The following SMC5 variants were observed in gnomAD, a reference collection of about 807,000 sequenced individuals.
SMC5 encodes structural maintenance of chromosomes protein 5.
A neutral mutation model predicts 148.3 loss-of-function variants in SMC5; 88 were observed. The observed-to-expected ratio is 0.59, with a 90% CI of 0.50 to 0.71. The LOEUF is 0.71. SMC5 is among the 30% of genes least tolerant of loss of function. SMC5 has a pLI of 0.00. For missense variants in SMC5, 1,142 were observed against 1,298.9 expected, an observed-to-expected ratio of 0.88 and a Z score of 1.86; for synonymous variants, 421 against 432.8, an observed-to-expected ratio of 0.97 and a Z score of 0.34.
intron 17 of SMC5, among the ~76,000 whole-genome samples, chr9:70,334,262 C>T (rs1169298213): frequency 4.0e-5 from 6 of 151,530 alleles, no homozygotes; most frequent in Non-Finnish European, 5.9e-5. Context: ...GTATCATATA[C>T]AAATGAGTCA....
intron 3 of SMC5, among the ~76,000 whole-genome samples, chr9:70,273,386 A>G (rs753417916): frequency 9.2e-5 from 14 of 151,924 alleles, no homozygotes; most frequent in Non-Finnish European, 2.1e-4. Context: ...AGTTTACTAT[A>G]TATATTATTT....
intron 17 of SMC5, among the ~76,000 whole-genome samples, chr9:70,336,394 G>T (rs1413564454): frequency 3.3e-5 from 5 of 152,178 alleles, no homozygotes; most frequent in African/African-American, 9.6e-5. Flanking sequence ...GGTTTGATAT[G>T]CTAGGGCTGG....
intron 6 of SMC5, 111 bp from the exon 7 acceptor site, chr9:70,282,311 G>C: frequency 8.8e-7 from 1 of 1,132,306 alleles, no homozygotes; most frequent in Non-Finnish European, 1.2e-6. Flanking sequence ...AACCTGTTTT[G>C]ATATCAAAAC....
chr9:70,336,485 G>A (rs896761454), intron 17 of SMC5, among the ~76,000 whole-genome samples: 3 of 152,166 alleles, frequency 2.0e-5, no homozygotes, highest in African/African-American at 7.2e-5. Flanking sequence ...AGGAAAGGAT[G>A]GCAGAATGAA....
Position 70,347,951 on chromosome 9 carries a change from G to A in SMC5, c.2802G>A (p.Glu934=), listed in dbSNP as rs2036709460. Residue 934 remains glutamate (E), a synonymous_variant, in exon 22 of 25, where the codon GAG becomes GAA. Transcript: ENST00000361138. ...VKERWLNPLK[E]LVEKINEKFS... The stretch of plus-strand genomic sequence containing the variant: ...AAAGGTGGCTTAATCCTTTAAAAGA[G>A]CTGGTAGAAAAAATTAATGAAAAAT... The A allele has an allele frequency of 1.2e-6, 2 of 1,603,604 alleles. No homozygotes were observed. The highest frequency in any genetic ancestry group is 1.7e-6 in the Non-Finnish European group (2 of 1,174,908).
intron 7 of SMC5, among the ~76,000 whole-genome samples, chr9:70,283,109 G>A (rs80234084): frequency 0.04 from 6,028 of 152,192 alleles, 140 homozygotes; most frequent in Non-Finnish European, 0.054. Context: ...ATCCAAAATC[G>A]TGCATGAGAT....
At position 70,278,570 on chromosome 9, in the gene SMC5, T is replaced by C; in HGVS notation, c.623T>C (p.Met208Thr). Residue 208 changes from methionine (M) to threonine (T), a missense_variant, in exon 5 of 25, where the codon ATG (methionine) becomes ACG (threonine). By Grantham distance (81) the Met-to-Thr change is moderately conservative. Around this residue, in one of 5 missense-constraint regions of SMC5, gnomAD observed 297 missense variants for 302.6 expected, o/e 0.98. Transcript: ENST00000361138. ...GAAAAGTCAATTGGTCCCCCAGAAA[T>C]GCACAAATATCACTGTGAACTCAAA... ...ATEKSIGPPE[M>T]HKYHCELKNL... 1.9e-6 allele frequency: 3 copies of C among 1,612,022 alleles called. No individual in the cohort carries two copies. Among genetic ancestry groups the C allele is most frequent in the Non-Finnish European group, 2.5e-6 (3 of 1,179,336 alleles).
At chr9:70,260,252 C>A (rs1220358813) in intron 1 of SMC5, among the ~76,000 whole-genome samples, 3 of 151,940 alleles carry the variant, frequency 2.0e-5, no homozygotes, top group African/African-American at 7.2e-5. Flanking sequence ...TTACAGCCAG[C>A]CGCCACCACG....
chr9:70,341,742 A>G (rs908347117), intron 17 of SMC5, among the ~76,000 whole-genome samples: 1 of 152,100 alleles, frequency 6.6e-6, no homozygotes, highest in African/African-American at 2.4e-5. Context: ...GGAAACAACA[A>G]GTGCTGGAGA....
intron 8 of SMC5, 119 bp from the exon 9 acceptor site, chr9:70,297,847 T>G: frequency 8.5e-7 from 1 of 1,180,406 alleles, no homozygotes; most frequent in Admixed American, 2.3e-5. Flanking sequence ...ACAGGACACC[T>G]TTTAGTGAGG....
intron 15 of SMC5, among the ~76,000 whole-genome samples, chr9:70,323,006 ACT>A (rs1242837579): frequency 6.6e-6 from 1 of 151,752 alleles, no homozygotes; most frequent in East Asian, 1.9e-4. Flanking sequence ...CATTCTGGCC[ACT>A]CTCTACAGCA....
intron 11 of SMC5, 123 bp downstream of exon 11, chr9:70,305,483 T>G: frequency 1.7e-6 from 1 of 601,870 alleles, no homozygotes; most frequent in Non-Finnish European, 3.0e-6. Flanking sequence ...TCATGCAAAA[T>G]CACTCTGTTT....
intron 20 of SMC5, among the ~76,000 whole-genome samples, 194 bp from the exon 21 acceptor site, chr9:70,347,419 T>A (rs916224972): frequency 6.6e-6 from 1 of 152,228 alleles, no homozygotes; most frequent in African/African-American, 2.4e-5. Flanking sequence ...TGGGCTAACC[T>A]GAAATACTGC....
chr9:70,327,093 A>G (rs1168582533), intron 17 of SMC5, among the ~76,000 whole-genome samples: 1 of 152,226 alleles, frequency 6.6e-6, no homozygotes, highest in African/African-American at 2.4e-5. Flanking sequence ...TATTTTCTCA[A>G]AAAAACAAAC....
intron 8 of SMC5, among the ~76,000 whole-genome samples, chr9:70,292,159 C>T (rs1371078927): frequency 1.3e-5 from 2 of 150,296 alleles, no homozygotes; most frequent in African/African-American, 4.9e-5. Flanking sequence ...GAGAAGATTT[C>T]TGGAGTTCCT....
Position 70,346,634 on chromosome 9 carries a change from C to T in SMC5, c.2553C>T (p.Asn851=), listed in dbSNP as rs931647307. 6.2e-7 allele frequency: 1 copy of T among 1,613,916 alleles called. No homozygotes were observed. ...TACCCACCATTCCAAATGGACACAA[C>T]TCCTCACTCCCCATGGTATGCAGTA... The part of the protein sequence containing the change: ...TQVPTIPNGH[N]SSLPMVFQDL... Residue 851 remains asparagine, a synonymous_variant, in exon 19 of 25, where the codon AAC becomes AAT. Coordinates refer to ENST00000361138, the MANE Select transcript of SMC5 (RefSeq NM_015110.4).
At chr9:70,340,213 T>TC (rs1352434532) in intron 17 of SMC5, among the ~76,000 whole-genome samples, 1 of 151,918 alleles carries the variant, frequency 6.6e-6, no homozygotes, top group Non-Finnish European at 1.5e-5. Context: ...ATTTAGGAGC[T>TC]CTGTGCTTTT....
chr9:70,288,944 C>T (rs1203222115), intron 8 of SMC5, among the ~76,000 whole-genome samples: 2 of 152,160 alleles, frequency 1.3e-5, no homozygotes, highest in East Asian at 1.9e-4. Flanking sequence ...TGTATACACA[C>T]ACATATATAC....
chr9:70,323,938 A>G, intron 16 of SMC5, 83 bp from the exon 17 acceptor site: 3 of 1,243,640 alleles, frequency 2.4e-6, no homozygotes, highest in Admixed American at 5.5e-5. Context: ...ATGGTTTATA[A>G]TTTTGTTTTA....
Sources: allele counts gnomAD v4.1 joint callset (sites outside exome capture counted in the v4.1 genomes callset), GRCh38; gene constraint gnomAD v4.1.1; regional missense constraint gnomAD v4.1.1; transcripts MANE v1.5; gene names NCBI Gene and HGNC (gene_info 2026-07-23, HGNC 2026-07-21).